PTPN9: variants seen among roughly 807,000 people sequenced by gnomAD.
PTPN9 encodes protein tyrosine phosphatase non-receptor type 9, also known as tyrosine-protein phosphatase non-receptor type 9.
Under a neutral mutation model 69.8 loss-of-function variants are expected in PTPN9, and 26 were observed. That is an observed-to-expected ratio of 0.37 (90% confidence interval 0.27 to 0.52). The LOEUF is 0.52. Among genes scored for constraint, PTPN9 ranks in the 20% least tolerant of loss-of-function variants. The pLI, the probability that PTPN9 is intolerant of heterozygous loss-of-function variation, is 0.91. For missense variants in PTPN9, 549 were observed against 740.3 expected, an observed-to-expected ratio of 0.74 and a Z score of 3.00; for synonymous variants, 274 against 272.5, an observed-to-expected ratio of 1.01 and a Z score of -0.05.
At chr15:75,548,652 ATTT>A (rs540489248) in intron 1 of PTPN9, among the ~76,000 whole-genome samples, 2 of 133,860 alleles carry the variant, frequency 1.5e-5, no homozygotes, top group Non-Finnish European at 1.6e-5. Context: ...ACAAGGGGAA[ATTT>A]TTTTTTTTTT....
At chr15:75,483,384 A>T (rs1305045870) in intron 8 of PTPN9, among the ~76,000 whole-genome samples, 1 of 152,246 alleles carries the variant, frequency 6.6e-6, no homozygotes, top group African/African-American at 2.4e-5. Context: ...GGCAGTAAAA[A>T]GCAGTGATGT....
chr15:75,498,696 CAG>C (rs1453392860), intron 7 of PTPN9, among the ~76,000 whole-genome samples: 2 of 152,046 alleles, frequency 1.3e-5, no homozygotes, highest in Non-Finnish European at 2.9e-5. Flanking sequence ...GCTTGGGTGA[CAG>C]AGCAAGACTC....
At chr15:75,559,742 TGCGAGAAACACCCAA>T (rs1259470771) in intron 1 of PTPN9, among the ~76,000 whole-genome samples, 5 of 116,434 alleles carry the variant, frequency 4.3e-5, no homozygotes, top group African/African-American at 1.7e-4. Flanking sequence ...AATCCCCCTC[TGCGAGAAACACCCAA>T]GAATGGTCAA....
chr15:75,529,988 G>A (rs1361322084), intron 1 of PTPN9, among the ~76,000 whole-genome samples: 1 of 151,502 alleles, frequency 6.6e-6, no homozygotes, highest in East Asian at 1.9e-4. Flanking sequence ...CAGATCACGA[G>A]GTCAGGAGCT....
At chr15:75,519,233 CG>C (rs1250505035) in intron 4 of PTPN9, among the ~76,000 whole-genome samples, 3 of 152,148 alleles carry the variant, frequency 2.0e-5, no homozygotes, top group Non-Finnish European at 4.4e-5. Flanking sequence ...CTCAGCCTCC[CG>C]AGTAGCTAGG....
chr15:75,517,769 A>G (rs1204245914), intron 4 of PTPN9, among the ~76,000 whole-genome samples: 2 of 152,178 alleles, frequency 1.3e-5, no homozygotes, highest in Non-Finnish European at 2.9e-5. Context: ...TTAAAGCCCC[A>G]TAAATCTTTC....
chr15:75,494,131 C>CAT (rs71140166), intron 7 of PTPN9, among the ~76,000 whole-genome samples: 6,075 of 143,410 alleles, frequency 0.042, 125 homozygotes, highest in Non-Finnish European at 0.047. Flanking sequence ...TTATCAATCC[C>CAT]ATATATATAT....
At chr15:75,509,172 A>G (rs2074834211) in intron 5 of PTPN9, 145 bp from the exon 6 acceptor site, 2 of 604,228 alleles carry the variant, frequency 3.3e-6, no homozygotes, top group Non-Finnish European at 5.9e-6. Flanking sequence ...CAGCTAGAGG[A>G]AAAGTGGTTA....
At chr15:75,513,949 A>G (rs1202286945) in intron 5 of PTPN9, among the ~76,000 whole-genome samples, 2 of 151,046 alleles carry the variant, frequency 1.3e-5, no homozygotes, top group Non-Finnish European at 2.9e-5. Context: ...AAATACAAAA[A>G]TTAGCTAGGT....
intron 9 of PTPN9, among the ~76,000 whole-genome samples, chr15:75,474,673 T>C (rs572957217): frequency 7.9e-5 from 12 of 152,314 alleles, no homozygotes; most frequent in African/African-American, 1.2e-4. Context: ...ATCCTAGAGA[T>C]TTTTTACCTT....
chr15:75,578,667 C>T, intron 1 of PTPN9, 47 bp downstream of exon 1: 1 of 1,317,796 alleles, frequency 7.6e-7, no homozygotes, highest in South Asian at 1.9e-5. Context: ...CGGCGTAGGC[C>T]TCGGGGGCCC....
chr15:75,470,132 C>T, intron 11 of PTPN9, 133 bp from the exon 12 acceptor site: 1 of 819,882 alleles, frequency 1.2e-6, no homozygotes. Context: ...TCAACTTTTC[C>T]CATAATTGCT....
Position 75,466,107 on chromosome 15 carries a change from G to A in PTPN9, c.*2662C>T, listed in dbSNP as rs2074535470. The A allele has an allele frequency of 6.6e-6, 1 of 152,244 alleles. No homozygotes were observed. The highest frequency in any genetic ancestry group is 1.5e-5 in the Non-Finnish European group (1 of 68,042). The allele number at this position is 152,244 out of a possible 1,614,324, so 9.4% of individuals were successfully genotyped here. A position where few individuals can be genotyped will look rare whatever the true frequency, so the allele number is the denominator to read the frequency against. On this transcript the variant is annotated 3_prime_UTR_variant, in exon 13 of 13. Transcript: ENST00000618819. The stretch of plus-strand genomic sequence containing the variant: ...CCTTAGAGGAAGTCTAGTGTAAGAG[G>A]TGAAAGAAGATACTTTGGAGTCAGA...
At chr15:75,525,036 C>T (rs901809849) in intron 2 of PTPN9, among the ~76,000 whole-genome samples, 1 of 151,832 alleles carries the variant, frequency 6.6e-6, no homozygotes, top group African/African-American at 2.4e-5. Flanking sequence ...GACATGGTAC[C>T]AGGACACTAA....
At chr15:75,530,199 CAAAAAAAAAAAA>C (rs1171614508) in intron 1 of PTPN9, among the ~76,000 whole-genome samples, 1 of 28,258 alleles carries the variant, frequency 3.5e-5, no homozygotes, top group East Asian at 8.2e-4. Flanking sequence ...GACTCCATCT[CAAAAAAAAAAAA>C]AAAAAAAGAA....
At chr15:75,503,802 G>A in intron 7 of PTPN9, among the ~76,000 whole-genome samples, 1 of 120,354 alleles carries the variant, frequency 8.3e-6, no homozygotes, top group African/African-American at 3.2e-5. Flanking sequence ...CCGGGAGGGA[G>A]GTGGGGGGGT....
chr15:75,504,875 G>T (rs1360169864), intron 7 of PTPN9, among the ~76,000 whole-genome samples: 1 of 150,206 alleles, frequency 6.7e-6, no homozygotes, highest in East Asian at 2.0e-4. Context: ...CACCCCGTCC[G>T]GGAGGTGAGG....
intron 7 of PTPN9, among the ~76,000 whole-genome samples, chr15:75,504,595 G>A (rs1595955627): frequency 7.0e-6 from 1 of 142,408 alleles, no homozygotes; most frequent in East Asian, 2.2e-4. Flanking sequence ...ACTGGGAAGT[G>A]AGGAGCCCCT....
chr15:75,489,412 G>C (rs886947456), intron 8 of PTPN9, among the ~76,000 whole-genome samples: 6 of 152,052 alleles, frequency 3.9e-5, no homozygotes, highest in African/African-American at 1.2e-4. Flanking sequence ...AACATAGTGA[G>C]AACTTGTCTC....
Sources: gnomAD v4.1 joint callset for allele counts (sites outside exome capture counted in the v4.1 genomes callset) on GRCh38, gnomAD v4.1.1 for gene constraint, MANE v1.5 for transcripts, NCBI Gene and HGNC (gene_info 2026-07-23, HGNC 2026-07-21) for gene names.